CSMD1: variants seen among roughly 807,000 people sequenced by gnomAD.
CSMD1 encodes CUB and sushi domain-containing protein 1.
CSMD1 carries 213 observed loss-of-function variants against 417.5 expected under a neutral mutation model. That is an observed-to-expected ratio of 0.51 (90% CI 0.46 to 0.57). The LOEUF is 0.57. Among genes scored for constraint, CSMD1 ranks in the 20% least tolerant of loss-of-function variants. The probability of loss-of-function intolerance (pLI) is 0.00; values close to 1 mark genes in which losing one functional copy is unlikely to be tolerated. For synonymous variants in CSMD1, 2,862 were observed against 1,736.8 expected (o/e 1.65, Z -16.11); for missense variants, 6,923 against 4,529.7 (o/e 1.53, Z -15.17).
At chr8:3,843,031 T>A (rs529118747) in intron 5 of CSMD1, among the ~76,000 whole-genome samples, 1 of 152,320 alleles carries the variant, frequency 6.6e-6, no homozygotes, top group African/African-American at 2.4e-5. Flanking sequence ...GGATTATTAG[T>A]ATTCACATTT....
chr8:3,308,002 C>G (rs907001800), intron 24 of CSMD1, among the ~76,000 whole-genome samples, 181 bp from the exon 25 acceptor site: 13 of 152,268 alleles, frequency 8.5e-5, no homozygotes, highest in Non-Finnish European at 1.8e-4. Context: ...TGTGGAAAGT[C>G]TTTATCCTCC....
chr8:3,989,324 C>A (rs1004516173), intron 5 of CSMD1, among the ~76,000 whole-genome samples: 1 of 152,178 alleles, frequency 6.6e-6, no homozygotes, highest in Non-Finnish European at 1.5e-5. Flanking sequence ...AAACCGAGGT[C>A]TGAATCAGTC....
chr8:4,184,237 T>C (rs562195138), intron 3 of CSMD1, among the ~76,000 whole-genome samples: 8 of 152,326 alleles, frequency 5.3e-5, no homozygotes, highest in South Asian at 2.1e-4. Flanking sequence ...AGACAATATA[T>C]TTATTTAGCA....
intron 62 of CSMD1, among the ~76,000 whole-genome samples, chr8:2,959,855 T>C (rs1211240196): frequency 3.3e-5 from 5 of 152,228 alleles, no homozygotes; most frequent in Admixed American, 2.0e-4. Context: ...CATTTCATGG[T>C]CTCAACCTTC....
chr8:4,239,018 C>T lies in CSMD1; in HGVS notation c.415+180935G>A, dbSNP rs191578077. Among the ~76,000 whole-genome samples the T allele has an allele frequency of 3.1e-4, 47 of 152,188 alleles. 1 individual carries two copies. The highest frequency in any genetic ancestry group is 1.9e-4 in the East Asian group (1 of 5,180). ...ATCACTATGGCTACAGGATTAGGTT[C>T]GAAAATCTGCTTTTGCTGAAATATC... On this transcript the variant is annotated intron_variant, in intron 3 of 69. Transcript: ENST00000635120.
At chr8:3,495,480 C>G (rs1009351622) in intron 10 of CSMD1, among the ~76,000 whole-genome samples, 1 of 152,154 alleles carries the variant, frequency 6.6e-6, no homozygotes, top group Non-Finnish European at 1.5e-5. Context: ...TTATTTCAAG[C>G]CAAGGCAAAG....
intron 1 of CSMD1, among the ~76,000 whole-genome samples, chr8:4,757,535 C>T (rs1811743390): frequency 1.3e-5 from 2 of 152,134 alleles, no homozygotes; most frequent in Non-Finnish European, 2.9e-5. Flanking sequence ...TGCATCCCTA[C>T]CATGTAGGTG....
At chr8:3,695,797 C>G (rs1339800522) in intron 7 of CSMD1, among the ~76,000 whole-genome samples, 2 of 152,184 alleles carry the variant, frequency 1.3e-5, no homozygotes, top group Non-Finnish European at 2.9e-5. Context: ...GATTATAAAT[C>G]AACCAGCAAA....
intron 3 of CSMD1, among the ~76,000 whole-genome samples, chr8:4,269,219 G>A (rs963270220): frequency 6.6e-6 from 1 of 152,014 alleles, no homozygotes; most frequent in African/African-American, 2.4e-5. Flanking sequence ...ACCACACCCG[G>A]CTAATTTTTG....
At chr8:2,951,413 T>G (rs1334486417) in intron 65 of CSMD1, 138 bp from the exon 66 acceptor site, 1 of 851,660 alleles carries the variant, frequency 1.2e-6, no homozygotes, top group Admixed American at 3.2e-5. Context: ...AGGAGCCTAG[T>G]GCATCGCTGT....
chr8:4,746,213 T>A (rs527366005), intron 1 of CSMD1, among the ~76,000 whole-genome samples: 1 of 152,222 alleles, frequency 6.6e-6, no homozygotes. Context: ...CCCTTTTCCA[T>A]GGAATCACCG....
chr8:4,658,914 G>T (rs1014528625), intron 1 of CSMD1, among the ~76,000 whole-genome samples: 1 of 152,054 alleles, frequency 6.6e-6, no homozygotes, highest in African/African-American at 2.4e-5. Context: ...TTGAAAATAC[G>T]TTGATATTAA....
rs111366517 is a variant in CSMD1 at position 4,437,664 on chromosome 8, G to A, written c.303-17599C>T. Reference sequence around the variant, plus strand: ...AGAGTCACACAAAGGAGTTCGTAGAGTTTAACCTAATATTTATAAGACCTT... The same window carrying A: ...AGAGTCACACAAAGGAGTTCGTAGAATTTAACCTAATATTTATAAGACCTT... On this transcript the variant is annotated intron_variant, in intron 2 of 69. Transcript: ENST00000635120. Among the ~76,000 whole-genome samples the A allele has an allele frequency of 6.8e-3, 1,030 of 152,296 alleles. 11 individuals are homozygous for A. The highest frequency in any genetic ancestry group is 0.023 in the African/African-American group (958 of 41,562).
At chr8:3,947,944 G>T (rs1811348301) in intron 5 of CSMD1, among the ~76,000 whole-genome samples, 1 of 152,184 alleles carries the variant, frequency 6.6e-6, no homozygotes, top group African/African-American at 2.4e-5. Context: ...GGCGTCTCAT[G>T]CCTGTAATCC....
At chr8:3,628,998 G>C (rs1001454263) in intron 7 of CSMD1, among the ~76,000 whole-genome samples, 2 of 152,050 alleles carry the variant, frequency 1.3e-5, no homozygotes, top group East Asian at 3.9e-4. Context: ...AAAAGGGAAA[G>C]AAAAAGATAA....
chr8:3,543,080 G>A (rs995244182), intron 10 of CSMD1, among the ~76,000 whole-genome samples: 1 of 152,192 alleles, frequency 6.6e-6, no homozygotes, highest in Non-Finnish European at 1.5e-5. Context: ...CCAGTGCAAA[G>A]GGAACCTGCT....
chr8:4,378,178 C>A (rs558001971), intron 3 of CSMD1, among the ~76,000 whole-genome samples: 37 of 152,236 alleles, frequency 2.4e-4, no homozygotes, highest in African/African-American at 8.9e-4. Flanking sequence ...CTAGATATTG[C>A]GACTCTAATC....
intron 2 of CSMD1, among the ~76,000 whole-genome samples, chr8:4,431,951 G>C (rs1047649136): frequency 2.0e-5 from 3 of 152,070 alleles, no homozygotes; most frequent in African/African-American, 7.2e-5. Flanking sequence ...ACACAGTATT[G>C]TTTTAAAAGC....
intron 17 of CSMD1, among the ~76,000 whole-genome samples, chr8:3,390,320 A>ATTCCAGCCTGGGCGACAGAGCAAGAC (rs1811271480): frequency 7.5e-6 from 1 of 132,886 alleles, no homozygotes; most frequent in African/African-American, 2.8e-5. Flanking sequence ...GTGCCGTTGC[A>ATTCCAGCCTGGGCGACAGAGCAAGAC]TTCCAGCCTG....
Sources: allele counts gnomAD v4.1 joint callset (sites outside exome capture counted in the v4.1 genomes callset), GRCh38; gene constraint gnomAD v4.1.1; transcripts MANE v1.5; gene names NCBI Gene and HGNC (gene_info 2026-07-23, HGNC 2026-07-21).